The following LDLRAD1 variants were observed in gnomAD, a reference collection of about 807,000 sequenced individuals.
LDLRAD1 encodes the protein low density lipoprotein receptor class A domain containing 1, also known as low-density lipoprotein receptor class A domain-containing protein 1.
Under a neutral mutation model 24.8 loss-of-function variants are expected in LDLRAD1, and 17 were observed. That is an observed-to-expected ratio of 0.69 (90% confidence interval 0.47 to 1.03). The LOEUF (loss-of-function observed/expected upper bound fraction) is 1.03. Ranked by LOEUF, LDLRAD1 falls within the 50% of genes least tolerant of loss-of-function variation. The probability of loss-of-function intolerance (pLI) is 0.00; values close to 1 mark genes in which losing one functional copy is unlikely to be tolerated. For missense variants in LDLRAD1, 277 were observed against 271.0 expected (o/e 1.02, Z -0.16); for synonymous variants, 103 against 108.2 (o/e 0.95, Z 0.30).
chr1:54,008,878 T>TC lies in LDLRAD1; in HGVS notation c.*103_*104insG. ...ATTCAGAAATGATGTGTAGATCCCA[T>TC]TTCAAAGGCTGCTTCCTGCCCTTGT... On this transcript the variant is annotated 3_prime_UTR_variant, in exon 6 of 6. Transcript: ENST00000371360. 1.1e-6 allele frequency: 1 copy of TC among 907,562 alleles called. No individual in the cohort carries two copies. The highest frequency in any genetic ancestry group is 1.5e-6 in the Non-Finnish European group (1 of 659,306). The allele number at this position is 907,562 out of a possible 1,614,324, so 56.2% of individuals were successfully genotyped here.
chr1:54,014,214 A>G, intron 3 of LDLRAD1, 22 bp downstream of exon 3: 1 of 1,570,966 alleles, frequency 6.4e-7, no homozygotes, highest in Non-Finnish European at 8.6e-7. Context: ...GGTCTGACCC[A>G]CCCTCTCTTG....
chr1:54,017,263 G>T, intron 2 of LDLRAD1, 113 bp downstream of exon 2: 1 of 799,852 alleles, frequency 1.3e-6, no homozygotes, highest in Non-Finnish European at 2.1e-6. Context: ...TAACATGGAG[G>T]CAGAGGTCTG....
At chr1:54,017,321 G>T in intron 2 of LDLRAD1, 55 bp downstream of exon 2, 1 of 1,457,250 alleles carries the variant, frequency 6.9e-7, no homozygotes, top group Non-Finnish European at 9.4e-7. Flanking sequence ...ATCGCCAACT[G>T]CCAGCTTCAA....
intron 3 of LDLRAD1, 124 bp downstream of exon 3, chr1:54,014,112 C>T (rs1569895670): frequency 2.7e-6 from 3 of 1,126,854 alleles, no homozygotes; most frequent in Non-Finnish European, 3.8e-6. Flanking sequence ...TGTGCATGCA[C>T]CTTAAGGAAT....
rs1228476463 is a variant in LDLRAD1 at position 54,010,360 on chromosome 1, G to A, written c.391C>T (p.Pro131Ser). The change falls in exon 5 of 6, where the codon CCG becomes TCG. Residue 131 changes from proline to serine, a missense_variant. By Grantham distance (74) the Pro-to-Ser change is moderately conservative. Coordinates refer to ENST00000371360, the MANE Select transcript of LDLRAD1 (RefSeq NM_001010978.4). ...PHFLVAHCGD[P>S]ASWIYSDQKC... is the part of the protein sequence containing the mutation. ...TGGTCTGAGTAGATCCAGGAGGCCG[G>A]GTCTCCACAGTGGGCCACAAGGAAG... 6.2e-7 allele frequency: 1 copy of A among 1,613,918 alleles called. No individual in the cohort carries two copies.
Position 54,017,411 on chromosome 1 carries a change from G to GT in LDLRAD1, c.37dup (p.Thr13AsnfsTer4), listed in dbSNP as rs1656354447. The GT allele has an allele frequency of 6.2e-7, 1 of 1,603,434 alleles. No homozygotes were observed. Among genetic ancestry groups the GT allele is most frequent in the South Asian group, 1.1e-5 (1 of 88,870 alleles). ...AGGGTGGGCTTTGGATTCAGCAGCA[G>GT]TGTAGCCATTCTCTCCCTGCCCAAG... On this transcript the variant is annotated frameshift_variant, in exon 2 of 6. Transcript: ENST00000371360. LOFTEE classifies it high-confidence loss of function.
At chr1:54,015,654 G>GT (rs757497560) in intron 2 of LDLRAD1, among the ~76,000 whole-genome samples, 6,355 of 126,936 alleles carry the variant, frequency 0.05, 278 homozygotes, top group African/African-American at 0.077. Flanking sequence ...TGTTTTTTTT[G>GT]TTTTTTTTGT....
chr1:54,017,287 G>T, intron 2 of LDLRAD1, 89 bp downstream of exon 2: 2 of 1,063,144 alleles, frequency 1.9e-6, no homozygotes, highest in Non-Finnish European at 2.8e-6. Context: ...GACAGTGGGA[G>T]CCTTGAACCC....
At chr1:54,016,801 A>G (rs542758659) in intron 2 of LDLRAD1, among the ~76,000 whole-genome samples, 2 of 152,344 alleles carry the variant, frequency 1.3e-5, no homozygotes, top group South Asian at 2.1e-4. Context: ...GAGATCATGC[A>G]GTGCCAGGCA....
intron 5 of LDLRAD1, among the ~76,000 whole-genome samples, chr1:54,009,737 T>A (rs1469919847): frequency 6.6e-6 from 1 of 152,086 alleles, no homozygotes; most frequent in Admixed American, 6.5e-5. Flanking sequence ...ACCCCACCAA[T>A]GCTCAGAACA....
intron 4 of LDLRAD1, among the ~76,000 whole-genome samples, chr1:54,010,912 A>G (rs1656024523): frequency 6.6e-6 from 1 of 152,216 alleles, no homozygotes; most frequent in Non-Finnish European, 1.5e-5. Context: ...GTTAGGCAGC[A>G]GTGTGATAGG....
intron 4 of LDLRAD1, among the ~76,000 whole-genome samples, chr1:54,011,452 G>A (rs56980390): frequency 0.16 from 23,860 of 151,902 alleles, 4,513 homozygotes; most frequent in African/African-American, 0.46. Flanking sequence ...ATGAGCTGGG[G>A]CAAGGACTAG....
chr1:54,012,061 G>GC, intron 4 of LDLRAD1, 82 bp downstream of exon 4: 10 of 1,533,600 alleles, frequency 6.5e-6, no homozygotes, highest in Non-Finnish European at 8.9e-6. Flanking sequence ...ACTTGAAGGT[G>GC]CCTGATGTGT....
At position 54,018,172 on chromosome 1, in the gene LDLRAD1, T is replaced by C; in HGVS notation, c.-60A>G. ...TGCAGAGAGCTCAGCACGGGTTCCC[T>C]GCATTGTCACCAAGGCCAACCTGGA... On this transcript the variant is annotated 5_prime_UTR_variant, in exon 1 of 6. Coordinates refer to ENST00000371360, the MANE Select transcript of LDLRAD1 (RefSeq NM_001010978.4). 1 of 1,604,942 alleles carries C rather than the reference T, an allele frequency of 6.2e-7. No individual in the cohort carries two copies. The highest frequency in any genetic ancestry group is 2.2e-5 in the East Asian group (1 of 44,674).
chr1:54,012,731 G>A (rs1357219319), intron 3 of LDLRAD1, among the ~76,000 whole-genome samples: 1 of 152,100 alleles, frequency 6.6e-6, no homozygotes, highest in African/African-American at 2.4e-5. Flanking sequence ...ATATATTTGG[G>A]CTGGCTGGAG....
At chr1:54,012,001 T>C (rs1312472817) in intron 4 of LDLRAD1, 142 bp downstream of exon 4, 3 of 929,604 alleles carry the variant, frequency 3.2e-6, no homozygotes, top group Non-Finnish European at 3.2e-6. Context: ...TGGGACCAGG[T>C]CGGGGCAGGT....
In LDLRAD1 at chr1:54,010,374, G is replaced by A; in HGVS notation, c.377C>T (p.Ala126Val). Residue 126 changes from alanine (A) to valine (V), a missense_variant, in exon 5 of 6, where the codon GCC becomes GTC. By Grantham distance (64) the Ala-to-Val change is moderately conservative. Transcript: ENST00000371360. Reference sequence around the variant, plus strand: ...CCAGGAGGCCGGGTCTCCACAGTGGGCCACAAGGAAGTGGGGGAGGCTCTG... The same window carrying A: ...CCAGGAGGCCGGGTCTCCACAGTGGACCACAAGGAAGTGGGGGAGGCTCTG... ...VPQSLPHFLVAHCGDPASWIY... is the reference protein window; with the variant it reads ...VPQSLPHFLVVHCGDPASWIY... The A allele has an allele frequency of 1.2e-6, 2 of 1,613,998 alleles. No homozygotes were observed. The highest frequency in any genetic ancestry group is 1.7e-6 in the Non-Finnish European group (2 of 1,179,980).
rs1655907194 is a variant in LDLRAD1 at position 54,008,558 on chromosome 1, T to C, written c.*424A>G. 6.6e-6 allele frequency: 1 copy of C among 151,074 alleles called. No homozygotes were observed. The highest frequency in any genetic ancestry group is 2.5e-5 in the African/African-American group (1 of 39,324). The allele number at this position is 151,074 out of a possible 1,614,324, so 9.4% of individuals were successfully genotyped here. On this transcript the variant is annotated 3_prime_UTR_variant, in exon 6 of 6. Coordinates refer to ENST00000371360, the MANE Select transcript of LDLRAD1 (RefSeq NM_001010978.4). ...TTGTTTGTGTTTGTGTTTTGTTTCATTTTTTTTTTGAGACAGGGTCTCACT... is the reference window on the plus strand; with the variant it reads ...TTGTTTGTGTTTGTGTTTTGTTTCACTTTTTTTTTGAGACAGGGTCTCACT...
chr1:54,009,689 G>A lies in LDLRAD1; in HGVS notation c.470-559C>T, dbSNP rs1391346254. Among the ~76,000 whole-genome samples, 6 of 152,098 alleles carry A rather than the reference G, an allele frequency of 3.9e-5. No individual in the cohort carries two copies. In the South Asian group the frequency reaches 1.2e-3, roughly 32 times the overall value. On this transcript the variant is annotated intron_variant, in intron 5 of 5. Coordinates refer to ENST00000371360, the MANE Select transcript of LDLRAD1 (RefSeq NM_001010978.4). ...GTAGGACACATGCCTGATTCCTGAT[G>A]TCCCCCACCTGAATCTGATACCAGG...
Sources: gnomAD v4.1 joint callset for allele counts (sites outside exome capture counted in the v4.1 genomes callset) on GRCh38, gnomAD v4.1.1 for gene constraint, MANE v1.5 for transcripts, NCBI Gene and HGNC (gene_info 2026-07-23, HGNC 2026-07-21) for gene names.